AFTPH: variants seen among roughly 807,000 people sequenced by gnomAD.
The protein encoded by AFTPH is aftiphilin.
AFTPH carries 7 observed loss-of-function variants against 72.5 expected under a neutral mutation model. That is an observed-to-expected ratio of 0.10 (90% CI 0.05 to 0.18). AFTPH has a LOEUF of 0.18. Ranked by LOEUF, AFTPH falls within the 10% of genes least tolerant of loss-of-function variation. The pLI is 1.00. For synonymous variants in AFTPH, 337 were observed against 370.1 expected (o/e 0.91, Z 1.03); for missense variants, 979 against 1,060.5 (o/e 0.92, Z 1.07).
chr2:64,588,916 T>G (rs879496208), intron 8 of AFTPH, among the ~76,000 whole-genome samples: 2 of 152,180 alleles, frequency 1.3e-5, no homozygotes, highest in Admixed American at 1.3e-4. Flanking sequence ...ATAATTTGTC[T>G]TTTTATTGTT....
chr2:64,536,730 A>G lies in AFTPH; in HGVS notation c.-33+12118A>G, dbSNP rs1195189410. Among the ~76,000 whole-genome samples the G allele has an allele frequency of 2.0e-5, 3 of 151,698 alleles. No individual in the cohort carries two copies. The East Asian group carries it at 5.8e-4, about 29-fold the overall frequency. ...CACTTTGGGAGCCCAAGGTAAGTCA[A>G]TTGCTTGAGCTCAGGAGGTTGAGAC... is the stretch of plus-strand genomic sequence containing the variant. On this transcript the variant is annotated intron_variant, in intron 1 of 8. Transcript: ENST00000238856.
chr2:64,549,215 C>T (rs1173352560), intron 1 of AFTPH, among the ~76,000 whole-genome samples: 1 of 150,934 alleles, frequency 6.6e-6, no homozygotes. Context: ...ACATTTTCCT[C>T]ATGTATCTAA....
chr2:64,571,069 T>A (rs570160287), intron 5 of AFTPH, among the ~76,000 whole-genome samples: 1 of 152,178 alleles, frequency 6.6e-6, no homozygotes, highest in Admixed American at 6.6e-5. Context: ...TTAGAAACTT[T>A]TTTTTAATAT....
chr2:64,548,201 G>A lies in AFTPH; in HGVS notation c.-32-3242G>A, dbSNP rs1228306571. Among the ~76,000 whole-genome samples, 17 of 145,660 alleles carry A rather than the reference G, an allele frequency of 1.2e-4. No individual in the cohort carries two copies. The East Asian group carries it at 1.6e-3, about 14-fold the overall frequency. ...GAGGTCAGGAGATCGAGACCATCCT[G>A]GCTAACAAGGTGAAACCCCGTCTCT... On this transcript the variant is annotated intron_variant, in intron 1 of 8. Transcript: ENST00000238856.
At chr2:64,550,728 C>CACACACAA (rs1558605092) in intron 1 of AFTPH, among the ~76,000 whole-genome samples, 3 of 141,888 alleles carry the variant, frequency 2.1e-5, no homozygotes, top group Non-Finnish European at 4.6e-5. Context: ...CACACACACA[C>CACACACAA]ACAACTGGTG....
At chr2:64,573,694 G>A (rs1672589813) in intron 6 of AFTPH, among the ~76,000 whole-genome samples, 1 of 152,126 alleles carries the variant, frequency 6.6e-6, no homozygotes, top group Admixed American at 6.5e-5. Flanking sequence ...GTCTTGCTGT[G>A]TCTCCCAGGC....
In AFTPH at chr2:64,525,569, TCTTC is replaced by T. The variant is rs1448705519; in HGVS notation, c.-33+963_-33+966del. On this transcript the variant is annotated intron_variant, in intron 1 of 8. Transcript: ENST00000238856. ...TTTTCAACTTTTCCTACAGTGTAAGTCTTCCTTCCACCTCCTATTCCGAGGATTT... is the reference window on the plus strand; with the variant it reads ...TTTTCAACTTTTCCTACAGTGTAAGTCTTCCACCTCCTATTCCGAGGATTT... The T allele has an allele frequency of 2.6e-5, 4 of 154,300 alleles. No individual in the cohort carries two copies. In the South Asian group the frequency reaches 8.1e-4, roughly 31 times the overall value. 9.6% of individuals were successfully genotyped at this position (154,300 alleles called of 1,614,324 possible).
At chr2:64,580,450 T>TGTCTTCA (rs1255650109) in intron 7 of AFTPH, 3 of 152,672 alleles carry the variant, frequency 2.0e-5, no homozygotes, top group African/African-American at 4.8e-5. Context: ...TGTTGTCTGG[T>TGTCTTCA]GTCTTCAGTC....
exon 2 of AFTPH, chr2:64,552,182 A>G (rs773139976): frequency 7.0e-5 from 113 of 1,613,876 alleles, no homozygotes; most frequent in Non-Finnish European, 9.1e-5. Context: ...ATTTTGCCAC[A>G]TTTTCCAAAA....
In AFTPH at chr2:64,556,368, G is replaced by A. The variant is rs547300603; in HGVS notation, c.1935+2959G>A. Among the ~76,000 whole-genome samples, 7 of 152,280 alleles carry A rather than the reference G, an allele frequency of 4.6e-5. No individual in the cohort carries two copies. The East Asian group carries it at 5.8e-4, about 13-fold the overall frequency. On this transcript the variant is annotated intron_variant, in intron 2 of 8. Transcript: ENST00000238856. The stretch of plus-strand genomic sequence containing the variant: ...GATTTATTTCTGTTCAATCTTACCC[G>A]GATGCCACAAGTGTCCTGAACAAAA...
At chr2:64,533,787 A>G (rs778323979) in intron 1 of AFTPH, among the ~76,000 whole-genome samples, 6 of 152,228 alleles carry the variant, frequency 3.9e-5, no homozygotes, top group Admixed American at 2.6e-4. Context: ...ATACCTAACA[A>G]TAAACTTAAT....
chr2:64,549,250 G>A (rs541408534), intron 1 of AFTPH, among the ~76,000 whole-genome samples: 2 of 144,540 alleles, frequency 1.4e-5, no homozygotes, highest in African/African-American at 5.0e-5. Flanking sequence ...GTTGTAAGAA[G>A]TATCTGTTTA....
chr2:64,547,895 C>T (rs1474879626), intron 1 of AFTPH, among the ~76,000 whole-genome samples: 2 of 152,054 alleles, frequency 1.3e-5, no homozygotes, highest in African/African-American at 2.4e-5. Flanking sequence ...AAGCAATCCT[C>T]CCACCTTAGC....
intron 6 of AFTPH, among the ~76,000 whole-genome samples, chr2:64,577,413 A>C (rs1056115724): frequency 6.6e-6 from 1 of 152,212 alleles, no homozygotes; most frequent in African/African-American, 2.4e-5. Context: ...CTGTCTTCAA[A>C]ATACCATACC....
At chr2:64,556,149 G>A (rs1185445701) in intron 2 of AFTPH, among the ~76,000 whole-genome samples, 4 of 151,948 alleles carry the variant, frequency 2.6e-5, no homozygotes, top group Non-Finnish European at 4.4e-5. Context: ...CACCACGCCC[G>A]GCTAATTTTT....
At chr2:64,568,911 CTTAG>C (rs1277666339) in intron 3 of AFTPH, among the ~76,000 whole-genome samples, 177 bp from the exon 4 acceptor site, 1 of 152,216 alleles carries the variant, frequency 6.6e-6, no homozygotes, top group East Asian at 1.9e-4. Flanking sequence ...CGCACCCAGC[CTTAG>C]TTATTTTTCT....
chr2:64,583,822 T>G (rs1445605684), intron 7 of AFTPH, among the ~76,000 whole-genome samples: 1 of 152,214 alleles, frequency 6.6e-6, no homozygotes, highest in Non-Finnish European at 1.5e-5. Context: ...CCTCCCTTGT[T>G]AGACTTCGTA....
At chr2:64,540,764 A>C (rs1325902969) in intron 1 of AFTPH, among the ~76,000 whole-genome samples, 1 of 152,098 alleles carries the variant, frequency 6.6e-6, no homozygotes, top group African/African-American at 2.4e-5. Context: ...CTTCAGTATA[A>C]AGGTATTTTG....
chr2:64,558,990 C>T (rs985874566), intron 2 of AFTPH, among the ~76,000 whole-genome samples: 1 of 152,138 alleles, frequency 6.6e-6, no homozygotes, highest in African/African-American at 2.4e-5. Context: ...GGTGGACATA[C>T]GGAAAATGTG....
Sources: gnomAD v4.1 joint callset for allele counts (sites outside exome capture counted in the v4.1 genomes callset) on GRCh38, gnomAD v4.1.1 for gene constraint, MANE v1.5 for transcripts, NCBI Gene and HGNC (gene_info 2026-07-23, HGNC 2026-07-21) for gene names.